The following EPHA6 variants were observed in gnomAD, a reference collection of about 807,000 sequenced individuals.
EPHA6 encodes the protein EPH receptor A6, also known as ephrin type-A receptor 6.
A neutral mutation model predicts 112.0 loss-of-function variants in EPHA6; 50 were observed. That is an observed-to-expected ratio of 0.45 (90% confidence interval 0.36 to 0.56). EPHA6 has a LOEUF of 0.56. EPHA6 is among the 20% of genes least tolerant of loss of function. The pLI is 0.00. For missense variants in EPHA6, 1,280 were observed against 1,417.4 expected (o/e 0.90, Z 1.56); for synonymous variants, 529 against 490.7 (o/e 1.08, Z -1.03).
intron 6 of EPHA6, among the ~76,000 whole-genome samples, chr3:97,408,206 G>T (rs1008235406): frequency 1.3e-5 from 2 of 151,986 alleles, no homozygotes; most frequent in African/African-American, 4.8e-5. Flanking sequence ...ATGGCCTAAT[G>T]ATCTCTTAAG....
intron 3 of EPHA6, among the ~76,000 whole-genome samples, chr3:97,217,648 C>G (rs1442669292): frequency 6.6e-6 from 1 of 152,146 alleles, no homozygotes; most frequent in Non-Finnish European, 1.5e-5. Context: ...CAAGTTTTCA[C>G]AGTTGTGTAG....
chr3:97,312,517 C>A (rs1576920696), intron 5 of EPHA6, among the ~76,000 whole-genome samples: 1 of 151,496 alleles, frequency 6.6e-6, no homozygotes, highest in East Asian at 1.9e-4. Flanking sequence ...TAGGGATGTT[C>A]AACCAGTTAA....
At chr3:97,677,906 C>A (rs1266448749) in intron 14 of EPHA6, among the ~76,000 whole-genome samples, 2 of 152,082 alleles carry the variant, frequency 1.3e-5, no homozygotes, top group East Asian at 1.9e-4. Context: ...AATGTTATTA[C>A]ACAGATTATA....
At chr3:97,685,801 C>T (rs1167701153) in intron 14 of EPHA6, among the ~76,000 whole-genome samples, 2 of 152,164 alleles carry the variant, frequency 1.3e-5, no homozygotes, top group African/African-American at 4.8e-5. Context: ...ACTTTTAACA[C>T]ATGGTAATAT....
intron 3 of EPHA6, among the ~76,000 whole-genome samples, chr3:97,015,170 A>G (rs1282566772): frequency 1.3e-5 from 2 of 152,182 alleles, no homozygotes; most frequent in African/African-American, 4.8e-5. Context: ...GGCCTGTGTG[A>G]AAAAAGAAGT....
intron 5 of EPHA6, among the ~76,000 whole-genome samples, chr3:97,389,316 A>G (rs2086260973): frequency 6.6e-6 from 1 of 152,204 alleles, no homozygotes; most frequent in Non-Finnish European, 1.5e-5. Context: ...GTACTGGCTG[A>G]ATATAGTTGA....
intron 9 of EPHA6, among the ~76,000 whole-genome samples, chr3:97,482,754 A>G (rs1355700092): frequency 6.6e-6 from 1 of 152,224 alleles, no homozygotes; most frequent in East Asian, 1.9e-4. Flanking sequence ...GCTGGGTATT[A>G]TAAGACTTTC....
intron 6 of EPHA6, among the ~76,000 whole-genome samples, chr3:97,430,483 C>T (rs974582405): frequency 2.6e-5 from 4 of 151,978 alleles, no homozygotes; most frequent in Non-Finnish European, 5.9e-5. Flanking sequence ...TCTTAGATGA[C>T]AAATACCTCT....
intron 2 of EPHA6, among the ~76,000 whole-genome samples, chr3:96,953,658 T>C (rs891285075): frequency 2.6e-5 from 4 of 152,240 alleles, no homozygotes; most frequent in Non-Finnish European, 5.9e-5. Context: ...GGGCCAGTTC[T>C]ACACATTTTT....
intron 14 of EPHA6, among the ~76,000 whole-genome samples, chr3:97,641,315 C>T (rs537576461): frequency 6.6e-6 from 1 of 152,232 alleles, no homozygotes; most frequent in African/African-American, 2.4e-5. Flanking sequence ...TTCACATTTC[C>T]TCTTAAAAAG....
At chr3:97,370,001 G>C (rs2084957370) in intron 5 of EPHA6, among the ~76,000 whole-genome samples, 1 of 152,016 alleles carries the variant, frequency 6.6e-6, no homozygotes, top group Admixed American at 6.6e-5. Flanking sequence ...CTTTTTTATT[G>C]ATTTGGAATT....
At chr3:97,020,547 G>A (rs1164639780) in intron 3 of EPHA6, among the ~76,000 whole-genome samples, 1 of 152,128 alleles carries the variant, frequency 6.6e-6, no homozygotes, top group Non-Finnish European at 1.5e-5. Flanking sequence ...ATGCTAACAA[G>A]AACAGAACAC....
At chr3:97,046,415 G>A (rs933049347) in intron 3 of EPHA6, among the ~76,000 whole-genome samples, 1 of 152,074 alleles carries the variant, frequency 6.6e-6, no homozygotes, top group African/African-American at 2.4e-5. Flanking sequence ...AGAACACAAT[G>A]TCCTTAAAAC....
chr3:97,390,571 G>T (rs2086342944), intron 5 of EPHA6, among the ~76,000 whole-genome samples: 2 of 146,908 alleles, frequency 1.4e-5, no homozygotes, highest in South Asian at 4.2e-4. Flanking sequence ...TGTATTATGT[G>T]TATAGCTTCT....
intron 16 of EPHA6, among the ~76,000 whole-genome samples, chr3:97,739,649 T>C (rs1052829889): frequency 6.6e-6 from 1 of 152,108 alleles, no homozygotes. Flanking sequence ...GCAAATATTC[T>C]TGTGCCTGAC....
intron 2 of EPHA6, among the ~76,000 whole-genome samples, chr3:96,936,904 C>T (rs1384988172): frequency 6.6e-6 from 1 of 152,112 alleles, no homozygotes; most frequent in Non-Finnish European, 1.5e-5. Context: ...ATGATGGTTT[C>T]CACTTTCATC....
intron 4 of EPHA6, among the ~76,000 whole-genome samples, chr3:97,236,034 A>T (rs2108565262): frequency 6.6e-6 from 1 of 151,996 alleles, no homozygotes; most frequent in South Asian, 2.1e-4. Flanking sequence ...ATATCCTCTT[A>T]ACTTTTTTTC....
intron 12 of EPHA6, among the ~76,000 whole-genome samples, chr3:97,605,172 T>C (rs1285979454): frequency 6.6e-6 from 1 of 151,456 alleles, no homozygotes; most frequent in African/African-American, 2.4e-5. Flanking sequence ...AGATGATATT[T>C]AAGCTGCTTT....
intron 10 of EPHA6, among the ~76,000 whole-genome samples, chr3:97,498,694 T>C (rs948184254): frequency 2.0e-5 from 3 of 152,182 alleles, no homozygotes; most frequent in Admixed American, 1.3e-4. Context: ...GGCTGTGGGC[T>C]TCACCCACCT....
Sources: gnomAD v4.1 joint callset for allele counts (sites outside exome capture counted in the v4.1 genomes callset) on GRCh38, gnomAD v4.1.1 for gene constraint, MANE v1.5 for transcripts, NCBI Gene and HGNC (gene_info 2026-07-23, HGNC 2026-07-21) for gene names.